IMMP1L: variants seen among roughly 807,000 people sequenced by gnomAD.
IMMP1L encodes mitochondrial inner membrane protease subunit 1.
In IMMP1L, 24 loss-of-function variants were observed where a neutral mutation model predicts 21.8. The ratio of observed to expected loss-of-function variants is 1.10; its 90% CI spans 0.80 to 1.55. IMMP1L has a LOEUF of 1.55. Ranked by LOEUF, IMMP1L falls within the 40% of genes most tolerant of loss-of-function variation. IMMP1L has a pLI of 0.00. For synonymous variants in IMMP1L, 46 were observed against 62.8 expected, an observed-to-expected ratio of 0.73 and a Z score of 1.26; for missense variants, 195 against 200.7, an observed-to-expected ratio of 0.97 and a Z score of 0.17.
At chr11:31,487,158 TATCAACA>T (rs927605266) in intron 1 of IMMP1L, among the ~76,000 whole-genome samples, 27 of 152,088 alleles carry the variant, frequency 1.8e-4, no homozygotes, top group Non-Finnish European at 2.9e-4. Flanking sequence ...TCCTTTCTGC[TATCAACA>T]ATTTCCTTGA....
intron 4 of IMMP1L, among the ~76,000 whole-genome samples, chr11:31,442,968 A>C (rs766958970): frequency 3.9e-5 from 6 of 152,182 alleles, no homozygotes; most frequent in Non-Finnish European, 7.4e-5. Flanking sequence ...AAAATGCATA[A>C]TACCCTTGCC....
At chr11:31,455,159 A>G (rs982146698) in intron 4 of IMMP1L, among the ~76,000 whole-genome samples, 14 of 152,362 alleles carry the variant, frequency 9.2e-5, no homozygotes, top group African/African-American at 2.9e-4. Context: ...TTGATTATTT[A>G]AAAGTCAAAC....
intron 1 of IMMP1L, among the ~76,000 whole-genome samples, chr11:31,494,399 G>GA (rs1955361357): frequency 6.6e-6 from 1 of 152,178 alleles, no homozygotes; most frequent in South Asian, 2.1e-4. Flanking sequence ...TGGGATGCAG[G>GA]ACACCATGCC....
intron 1 of IMMP1L, among the ~76,000 whole-genome samples, chr11:31,472,633 G>A (rs1317717666): frequency 6.6e-6 from 1 of 151,938 alleles, no homozygotes; most frequent in African/African-American, 2.4e-5. Flanking sequence ...TTAATGTAGA[G>A]AACCAATTTC....
At position 31,500,853 on chromosome 11, in the gene IMMP1L, G is replaced by A. The variant is rs577330091; in HGVS notation, c.-30+8666C>T. On this transcript the variant is annotated intron_variant, in intron 1 of 5. Coordinates refer to ENST00000532287, the MANE Select transcript of IMMP1L (RefSeq NM_001304274.2). ...GTGACTGCTTTTGTGCTCTCACAGC[G>A]AGTTGAAAAGTTGTAACAGAGACCA... Among the ~76,000 whole-genome samples, 91 of 152,230 alleles carry A rather than the reference G, an allele frequency of 6.0e-4. 1 individual carries two copies. The highest frequency in any genetic ancestry group is 4.8e-3 in the Admixed American group (74 of 15,292).
At chr11:31,487,228 T>C (rs1955110991) in intron 1 of IMMP1L, among the ~76,000 whole-genome samples, 2 of 152,174 alleles carry the variant, frequency 1.3e-5, no homozygotes, top group East Asian at 3.9e-4. Context: ...AATAAGTTAC[T>C]ATGCCTAATT....
chr11:31,471,052 A>G (rs1954532190), intron 1 of IMMP1L, among the ~76,000 whole-genome samples: 1 of 152,224 alleles, frequency 6.6e-6, no homozygotes. Context: ...GTTCTATTGC[A>G]CTGCAGGGTG....
In IMMP1L at chr11:31,477,459, C is replaced by T. The variant is rs1030663151; in HGVS notation, c.-29-14154G>A. 5.6e-5 allele frequency: 39 copies of T among 702,142 alleles called. No individual in the cohort carries two copies. In the African/African-American group the frequency reaches 6.0e-4, roughly 11 times the overall value. The allele number at this position is 702,142 out of a possible 1,614,324, so 43.5% of individuals were successfully genotyped here. On this transcript the variant is annotated intron_variant, in intron 1 of 5. Coordinates refer to ENST00000532287, the MANE Select transcript of IMMP1L (RefSeq NM_001304274.2). ...AGTCATATAGCTTAACATAAGGTTA[C>T]ATATTATAAATAATAAAGAGCATAT...
chr11:31,486,839 A>C (rs1955096279), intron 1 of IMMP1L, among the ~76,000 whole-genome samples: 1 of 151,982 alleles, frequency 6.6e-6, no homozygotes, highest in African/African-American at 2.4e-5. Flanking sequence ...ATAAAGATTA[A>C]AATGAGGCGA....
chr11:31,484,933 C>A (rs993893960), intron 1 of IMMP1L, among the ~76,000 whole-genome samples: 4 of 151,734 alleles, frequency 2.6e-5, no homozygotes, highest in Non-Finnish European at 5.9e-5. Flanking sequence ...AAAAAACAAA[C>A]CTCATATAAA....
At chr11:31,509,264 T>A (rs1955912694) in intron 1 of IMMP1L, among the ~76,000 whole-genome samples, 1 of 152,080 alleles carries the variant, frequency 6.6e-6, no homozygotes, top group African/African-American at 2.4e-5. Context: ...AACCAACTCA[T>A]TAAGGTAAGA....
intron 4 of IMMP1L, among the ~76,000 whole-genome samples, chr11:31,446,791 T>A (rs1237155266): frequency 6.6e-6 from 1 of 152,230 alleles, no homozygotes; most frequent in Non-Finnish European, 1.5e-5. Context: ...TAAATATCCT[T>A]GTGTCTTATC....
intron 3 of IMMP1L, among the ~76,000 whole-genome samples, chr11:31,459,852 T>C (rs778115405): frequency 1.8e-4 from 27 of 152,208 alleles, no homozygotes; most frequent in Admixed American, 3.9e-4. Context: ...TATACAATGA[T>C]GTAATCTAAA....
intron 2 of IMMP1L, 24 bp downstream of exon 2, chr11:31,463,148 A>G (rs749595570): frequency 1.9e-6 from 3 of 1,562,770 alleles, no homozygotes; most frequent in Non-Finnish European, 8.7e-7. Flanking sequence ...TTTAAGATGA[A>G]TATTCTTGAA....
chr11:31,436,837 A>G (rs1953139869), intron 4 of IMMP1L, among the ~76,000 whole-genome samples: 1 of 152,206 alleles, frequency 6.6e-6, no homozygotes, highest in African/African-American at 2.4e-5. Flanking sequence ...ATAACCTGTG[A>G]AGTACTAAAT....
At chr11:31,490,897 G>A (rs1016395353) in intron 1 of IMMP1L, among the ~76,000 whole-genome samples, 1 of 152,176 alleles carries the variant, frequency 6.6e-6, no homozygotes, top group African/African-American at 2.4e-5. Context: ...AAAGGACACA[G>A]GAAGACACAG....
chr11:31,498,203 T>C (rs1165928053), intron 1 of IMMP1L, among the ~76,000 whole-genome samples: 1 of 152,204 alleles, frequency 6.6e-6, no homozygotes, highest in Non-Finnish European at 1.5e-5. Context: ...GGAAAAATTG[T>C]AATACCAAAT....
intron 1 of IMMP1L, among the ~76,000 whole-genome samples, chr11:31,500,444 A>G (rs1955581792): frequency 6.6e-6 from 1 of 152,200 alleles, no homozygotes; most frequent in Non-Finnish European, 1.5e-5. Flanking sequence ...AACATAAAAT[A>G]TATGCCTGTC....
chr11:31,471,286 GCCCTAGA>G (rs1340987219), intron 1 of IMMP1L, among the ~76,000 whole-genome samples: 1 of 152,038 alleles, frequency 6.6e-6, no homozygotes, highest in Non-Finnish European at 1.5e-5. Context: ...TTTGGATAAG[GCCCTAGA>G]CCTCAATGAA....
Sources: allele counts gnomAD v4.1 joint callset (sites outside exome capture counted in the v4.1 genomes callset), GRCh38; gene constraint gnomAD v4.1.1; transcripts MANE v1.5; gene names NCBI Gene and HGNC (gene_info 2026-07-23, HGNC 2026-07-21).